ANGPT1: variants seen among roughly 807,000 people sequenced by gnomAD.
ANGPT1 encodes angiopoietin 1.
In ANGPT1, 17 loss-of-function variants were observed where a neutral mutation model predicts 62.2. That is an observed-to-expected ratio of 0.27 (90% CI 0.19 to 0.41). ANGPT1 has a LOEUF of 0.41. Among genes scored for constraint, ANGPT1 ranks in the 10% least tolerant of loss-of-function variants. ANGPT1 has a pLI of 1.00. For synonymous variants in ANGPT1, 199 were observed against 198.9 expected, an observed-to-expected ratio of 1.00 and a Z score of 0.00; for missense variants, 478 against 594.9, an observed-to-expected ratio of 0.80 and a Z score of 2.04.
At chr8:107,443,322 G>A (rs971152246) in intron 1 of ANGPT1, among the ~76,000 whole-genome samples, 3 of 152,018 alleles carry the variant, frequency 2.0e-5, no homozygotes, top group African/African-American at 7.2e-5. Context: ...AATTTAGGAG[G>A]CCCAGGTTCC....
intron 1 of ANGPT1, among the ~76,000 whole-genome samples, chr8:107,355,131 AC>A (rs762298192): frequency 6.6e-6 from 1 of 151,634 alleles, no homozygotes; most frequent in South Asian, 2.1e-4. Context: ...CGAAGTCCTG[AC>A]CTCAGGTGAT....
intron 1 of ANGPT1, among the ~76,000 whole-genome samples, chr8:107,436,305 C>T (rs1032977665): frequency 1.3e-5 from 2 of 152,208 alleles, no homozygotes; most frequent in African/African-American, 4.8e-5. Context: ...CCTAAGACTT[C>T]ATGTCAACAC....
intron 4 of ANGPT1, among the ~76,000 whole-genome samples, chr8:107,318,799 A>C (rs1461735823): frequency 2.0e-5 from 3 of 152,152 alleles, no homozygotes; most frequent in African/African-American, 7.2e-5. Flanking sequence ...TAACATATCC[A>C]TTACCTCACA....
chr8:107,285,274 CTAT>C (rs1167286137), intron 6 of ANGPT1, among the ~76,000 whole-genome samples: 6 of 152,070 alleles, frequency 3.9e-5, no homozygotes, highest in Admixed American at 2.0e-4. Flanking sequence ...ATTATTTTTA[CTAT>C]TATTATTCAC....
intron 2 of ANGPT1, among the ~76,000 whole-genome samples, chr8:107,341,678 A>G (rs1249983991): frequency 6.7e-6 from 1 of 150,224 alleles, no homozygotes; most frequent in Non-Finnish European, 1.5e-5. Flanking sequence ...TATTATATTT[A>G]TAATATAATA....
At chr8:107,410,118 A>G (rs1407794483) in intron 1 of ANGPT1, among the ~76,000 whole-genome samples, 1 of 152,204 alleles carries the variant, frequency 6.6e-6, no homozygotes, top group Non-Finnish European at 1.5e-5. Context: ...GCAGCTGCTT[A>G]CACACTTGTG....
intron 1 of ANGPT1, among the ~76,000 whole-genome samples, chr8:107,370,393 A>G (rs1185025462): frequency 2.5e-5 from 1 of 39,850 alleles, no homozygotes; most frequent in Non-Finnish European, 9.0e-5. Flanking sequence ...AGAAAGAAAG[A>G]AAGAAAGAAA....
chr8:107,435,014 AT>A (rs745546531), intron 1 of ANGPT1, among the ~76,000 whole-genome samples: 2 of 152,152 alleles, frequency 1.3e-5, no homozygotes, highest in Non-Finnish European at 2.9e-5. Flanking sequence ...TTTCTATGTA[AT>A]CACCATAATA....
intron 3 of ANGPT1, among the ~76,000 whole-genome samples, chr8:107,329,840 A>G (rs147545354): frequency 5.9e-5 from 9 of 152,200 alleles, no homozygotes; most frequent in Admixed American, 2.6e-4. Flanking sequence ...TGAAAATAAA[A>G]CACATTCTCT....
chr8:107,454,139 G>A (rs535323945), intron 1 of ANGPT1, among the ~76,000 whole-genome samples: 15 of 152,078 alleles, frequency 9.9e-5, no homozygotes, highest in East Asian at 7.7e-4. Context: ...TTTGCTTCAC[G>A]GGTGGTGCAT....
chr8:107,336,345 T>A (rs554195096), intron 2 of ANGPT1, 74 bp from the exon 3 acceptor site: 1,268 of 1,506,628 alleles, frequency 8.4e-4, no homozygotes, highest in Non-Finnish European at 9.5e-4. Flanking sequence ...TATTTTGTCG[T>A]TAAATATTTT....
At chr8:107,443,646 T>TAAA (rs548442338) in intron 1 of ANGPT1, among the ~76,000 whole-genome samples, 29 of 135,542 alleles carry the variant, frequency 2.1e-4, no homozygotes, top group African/African-American at 7.7e-4. Context: ...CCGTCTCTAC[T>TAAA]AAAAAAAAAA....
intron 8 of ANGPT1, among the ~76,000 whole-genome samples, chr8:107,260,718 A>G (rs1218306658): frequency 6.6e-6 from 1 of 152,194 alleles, no homozygotes; most frequent in Non-Finnish European, 1.5e-5. Flanking sequence ...TTTCAAAGGG[A>G]CATTTGATAA....
chr8:107,293,382 T>A (rs755373164), intron 6 of ANGPT1, among the ~76,000 whole-genome samples: 27 of 152,058 alleles, frequency 1.8e-4, no homozygotes, highest in Non-Finnish European at 2.1e-4. Flanking sequence ...CATTTCTGGG[T>A]CTAATAAAAC....
At chr8:107,406,811 T>C (rs1817157567) in intron 1 of ANGPT1, among the ~76,000 whole-genome samples, 1 of 151,370 alleles carries the variant, frequency 6.6e-6, no homozygotes, top group Non-Finnish European at 1.5e-5. Context: ...AAATTGTTAC[T>C]ACGTAAGTCA....
rs561005837 is a variant in ANGPT1, at chr8:107,491,852, T to G, written c.297+5410A>C. On this transcript the variant is annotated intron_variant, in intron 1 of 8. Coordinates refer to ENST00000517746, the MANE Select transcript of ANGPT1 (RefSeq NM_001146.5). ...TTAAATTACATTAAGCCAATACCTT[T>G]ATATGAGAGGAGTGCTATTAAAAGA... 3.3e-5 allele frequency among the ~76,000 whole-genome samples: 5 copies of G among 152,242 alleles called. No homozygotes were observed. In the East Asian group the frequency reaches 9.7e-4, roughly 29 times the overall value.
At chr8:107,443,085 TG>T (rs1433606150) in intron 1 of ANGPT1, among the ~76,000 whole-genome samples, 1 of 152,208 alleles carries the variant, frequency 6.6e-6, no homozygotes, top group East Asian at 1.9e-4. Context: ...TTTGTGTGTG[TG>T]TTCCCCTTTT....
At chr8:107,431,967 C>G (rs781638940) in intron 1 of ANGPT1, among the ~76,000 whole-genome samples, 5 of 152,096 alleles carry the variant, frequency 3.3e-5, no homozygotes, top group Admixed American at 2.0e-4. Flanking sequence ...GTATTTGATA[C>G]ATATTTCAGC....
intron 3 of ANGPT1, among the ~76,000 whole-genome samples, chr8:107,332,708 T>C (rs1014213703): frequency 6.6e-6 from 1 of 152,198 alleles, no homozygotes; most frequent in African/African-American, 2.4e-5. Flanking sequence ...TGAAGCCCCA[T>C]CTTACTCAAA....
Sources: allele counts gnomAD v4.1 joint callset (sites outside exome capture counted in the v4.1 genomes callset), GRCh38; gene constraint gnomAD v4.1.1; transcripts MANE v1.5; gene names NCBI Gene and HGNC (gene_info 2026-07-23, HGNC 2026-07-21).